RIC1: variants seen among roughly 807,000 people sequenced by gnomAD.
RIC1 encodes the protein guanine nucleotide exchange factor subunit RIC1.
Under a neutral mutation model 169.0 loss-of-function variants are expected in RIC1, and 88 were observed. The observed-to-expected ratio is 0.52, with a 90% CI of 0.44 to 0.62. The LOEUF (loss-of-function observed/expected upper bound fraction) is 0.62. RIC1 is among the 20% of genes least tolerant of loss of function. RIC1 has a pLI of 0.00. For synonymous variants in RIC1, 790 were observed against 601.5 expected, an observed-to-expected ratio of 1.31 and a Z score of -4.59; for missense variants, 1,877 against 1,725.5, an observed-to-expected ratio of 1.09 and a Z score of -1.56.
intron 4 of RIC1, 52 bp from the exon 5 acceptor site, chr9:5,720,129 AC>A: frequency 6.9e-7 from 1 of 1,450,038 alleles, no homozygotes; most frequent in Non-Finnish European, 9.5e-7. Context: ...TAATATTCAT[AC>A]ACATTGCTTT....
rs1586731188 is a variant in RIC1 at position 5,770,213 on chromosome 9, T to C, written c.3551T>C (p.Ile1184Thr). 3 of 1,613,926 alleles carry C rather than the reference T, an allele frequency of 1.9e-6. No individual in the cohort carries two copies. The highest frequency in any genetic ancestry group is 1.1e-5 in the South Asian group (1 of 91,084). Reference protein sequence around the residue: ...LSNIGPTHHEIDTASSHGPQM... With the variant: ...LSNIGPTHHETDTASSHGPQM... ...AACATTGGCCCCACCCATCATGAGA[T>C]AGACACAGCTTCATCCCATGGACCA... The change falls in exon 23 of 26, where the codon ATA (isoleucine) becomes ACA (threonine). Residue 1184 changes from isoleucine (I) to threonine (T), a missense_variant. Coordinates refer to ENST00000414202, the MANE Select transcript of RIC1 (RefSeq NM_020829.4).
Position 5,636,609 on chromosome 9 carries a change from A to T in RIC1, c.144+7156A>T, listed in dbSNP as rs370443172. On this transcript the variant is annotated intron_variant, in intron 1 of 25. Transcript: ENST00000414202. ...GCTGGGATTATAGGTGTGAGCCACC[A>T]CTCCCAGCCATGTTTTCTTAATTTA... Among the ~76,000 whole-genome samples, 42 of 151,556 alleles carry T rather than the reference A, an allele frequency of 2.8e-4. 1 individual carries two copies. In the South Asian group the frequency reaches 8.7e-3, roughly 32 times the overall value.
At chr9:5,723,920 C>G (rs1346012100) in intron 6 of RIC1, among the ~76,000 whole-genome samples, 3 of 152,242 alleles carry the variant, frequency 2.0e-5, no homozygotes, top group Middle Eastern at 3.4e-3. Flanking sequence ...TGGTCTAGAT[C>G]TCTGTTTTGG....
intron 2 of RIC1, among the ~76,000 whole-genome samples, chr9:5,684,274 A>ACACCCCCCCCCCCCCCCCCCC (rs1821064941): frequency 1.3e-4 from 1 of 7,630 alleles, no homozygotes; most frequent in Non-Finnish European, 3.2e-4. Flanking sequence ...TCTTGGCTCC[A>ACACCCCCCCCCCCCCCCCCCC]CCCCCCCCCC....
At chr9:5,727,057 T>C (rs1824040099) in intron 6 of RIC1, among the ~76,000 whole-genome samples, 2 of 152,196 alleles carry the variant, frequency 1.3e-5, no homozygotes, top group South Asian at 2.1e-4. Flanking sequence ...TCGAGGAGTA[T>C]CTTTGTGGCG....
chr9:5,731,212 C>G (rs1393908721), intron 6 of RIC1, among the ~76,000 whole-genome samples: 1 of 152,010 alleles, frequency 6.6e-6, no homozygotes, highest in Non-Finnish European at 1.5e-5. Flanking sequence ...CTAGTATAGC[C>G]TCAGCACCTA....
chr9:5,753,094 C>A, intron 12 of RIC1, 106 bp from the exon 13 acceptor site: 1 of 968,110 alleles, frequency 1.0e-6, no homozygotes, highest in Non-Finnish European at 1.7e-6. Context: ...CTAGGGGGCA[C>A]CTTAAACATT....
At chr9:5,686,868 T>C (rs1821276803) in intron 2 of RIC1, among the ~76,000 whole-genome samples, 1 of 152,194 alleles carries the variant, frequency 6.6e-6, no homozygotes. Context: ...TAAAATGAGA[T>C]AGGAAGTGGT....
At chr9:5,705,101 C>T (rs984982505) in intron 3 of RIC1, among the ~76,000 whole-genome samples, 1 of 151,480 alleles carries the variant, frequency 6.6e-6, no homozygotes, top group African/African-American at 2.4e-5. Flanking sequence ...AATGTGAATT[C>T]TCCAACTTTG....
At chr9:5,630,684 T>C (rs1372061967) in intron 1 of RIC1, among the ~76,000 whole-genome samples, 2 of 152,242 alleles carry the variant, frequency 1.3e-5, no homozygotes, top group Non-Finnish European at 1.5e-5. Flanking sequence ...AACAAACTTA[T>C]AAAATCGTAA....
chr9:5,778,056 T>A (rs369212566), downstream of RIC1, among the ~76,000 whole-genome samples: 156 of 152,320 alleles, frequency 1.0e-3, no homozygotes, highest in African/African-American at 3.4e-3. Flanking sequence ...GTGGAGAATA[T>A]TGCCATATTA....
intron 1 of RIC1, among the ~76,000 whole-genome samples, chr9:5,654,582 T>A (rs943870164): frequency 6.6e-6 from 1 of 152,078 alleles, no homozygotes; most frequent in Admixed American, 6.5e-5. Context: ...TTCTGTTGCC[T>A]AGGGTGGAGT....
intron 6 of RIC1, among the ~76,000 whole-genome samples, chr9:5,725,022 T>A (rs1436844562): frequency 6.6e-6 from 1 of 152,194 alleles, no homozygotes; most frequent in Non-Finnish European, 1.5e-5. Context: ...TATTCTCTTT[T>A]TTTGTTGTGT....
chr9:5,767,326 T>G (rs1320828708), intron 21 of RIC1, among the ~76,000 whole-genome samples: 1 of 152,212 alleles, frequency 6.6e-6, no homozygotes, highest in Non-Finnish European at 1.5e-5. Flanking sequence ...TGGGATATTG[T>G]CTTCTGAGAG....
At chr9:5,661,182 C>T (rs1020967600) in intron 2 of RIC1, among the ~76,000 whole-genome samples, 7 of 152,068 alleles carry the variant, frequency 4.6e-5, no homozygotes, top group African/African-American at 1.2e-4. Flanking sequence ...TATTCTGTTA[C>T]GTTGGTCTAT....
At chr9:5,766,841 T>C (rs889771621) in intron 21 of RIC1, among the ~76,000 whole-genome samples, 6 of 152,250 alleles carry the variant, frequency 3.9e-5, no homozygotes, top group African/African-American at 1.4e-4. Flanking sequence ...TGACTTCTTT[T>C]CCTCTGGGTA....
At chr9:5,688,195 G>A (rs951007676) in intron 2 of RIC1, among the ~76,000 whole-genome samples, 39 of 151,790 alleles carry the variant, frequency 2.6e-4, no homozygotes, top group Admixed American at 7.2e-4. Flanking sequence ...TTGATTGGTT[G>A]ATTTTTCATT....
intron 2 of RIC1, among the ~76,000 whole-genome samples, chr9:5,668,095 C>T (rs150691321): frequency 1.4e-3 from 213 of 152,216 alleles, no homozygotes; most frequent in African/African-American, 4.8e-3. Flanking sequence ...CACGTGGTGG[C>T]AGGAGAGAAG....
At chr9:5,683,265 G>A (rs374658263) in intron 2 of RIC1, among the ~76,000 whole-genome samples, 204 of 152,162 alleles carry the variant, frequency 1.3e-3, no homozygotes, top group African/African-American at 4.5e-3. Context: ...TTTTTTCCCC[G>A]TCTTTGTGGT....
Sources: gnomAD v4.1 joint callset for allele counts (sites outside exome capture counted in the v4.1 genomes callset) on GRCh38, gnomAD v4.1.1 for gene constraint, MANE v1.5 for transcripts, NCBI Gene and HGNC (gene_info 2026-07-23, HGNC 2026-07-21) for gene names.